Variants in TMTC2 observed in about 807,000 individuals in gnomAD.
TMTC2 encodes protein O-mannosyl-transferase TMTC2.
Under a neutral mutation model 82.4 loss-of-function variants are expected in TMTC2, and 43 were observed. The ratio of observed to expected loss-of-function variants is 0.52; its 90% CI spans 0.41 to 0.67. TMTC2 has a LOEUF of 0.67. Ranked by LOEUF, TMTC2 falls within the 30% of genes least tolerant of loss-of-function variation. TMTC2 has a pLI of 0.00. For synonymous variants in TMTC2, 408 were observed against 381.9 expected (o/e 1.07, Z -0.80); for missense variants, 919 against 1,012.4 (o/e 0.91, Z 1.25).
At chr12:83,075,948 G>GA (rs1326116588) in intron 11 of TMTC2, among the ~76,000 whole-genome samples, 3 of 152,132 alleles carry the variant, frequency 2.0e-5, no homozygotes, top group African/African-American at 4.8e-5. Flanking sequence ...TGACAAATCA[G>GA]AAAAAAATGT....
At chr12:82,933,259 T>C (rs934449474) in intron 4 of TMTC2, among the ~76,000 whole-genome samples, 1 of 152,140 alleles carries the variant, frequency 6.6e-6, no homozygotes, top group Non-Finnish European at 1.5e-5. Flanking sequence ...TTAAAATAGG[T>C]AAATTTTTCA....
At chr12:82,891,457 C>T (rs947197906) in intron 2 of TMTC2, among the ~76,000 whole-genome samples, 6 of 152,028 alleles carry the variant, frequency 3.9e-5, no homozygotes, top group South Asian at 2.1e-4. Context: ...TACAGGCATG[C>T]GCCACCACGC....
intron 1 of TMTC2, among the ~76,000 whole-genome samples, chr12:82,736,514 A>G (rs187909775): frequency 2.0e-5 from 3 of 152,146 alleles, no homozygotes; most frequent in Non-Finnish European, 4.4e-5. Context: ...GCATTCTATT[A>G]TGCATGCTTT....
intron 7 of TMTC2, among the ~76,000 whole-genome samples, chr12:82,971,098 ACT>A (rs1028434581): frequency 6.6e-6 from 1 of 152,116 alleles, no homozygotes; most frequent in Non-Finnish European, 1.5e-5. Context: ...AAGATGGAAG[ACT>A]CATATCTTAA....
chr12:83,045,706 T>TACACACACACACACACACACACAC (rs1565867299), intron 9 of TMTC2, among the ~76,000 whole-genome samples: 3 of 46,750 alleles, frequency 6.4e-5, no homozygotes, highest in South Asian at 8.3e-4. Context: ...AAAGGGCTCC[T>TACACACACACACACACACACACAC]TCACACACAC....
At chr12:82,773,769 C>G (rs10082947) in intron 1 of TMTC2, among the ~76,000 whole-genome samples, 2,842 of 152,158 alleles carry the variant, frequency 0.019, 72 homozygotes, top group African/African-American at 0.064. Context: ...ACTGATACTT[C>G]TTTAGCCAGG....
At chr12:83,049,832 T>C (rs781184824) in intron 9 of TMTC2, among the ~76,000 whole-genome samples, 34 of 152,192 alleles carry the variant, frequency 2.2e-4, no homozygotes, top group Non-Finnish European at 4.6e-4. Context: ...CTGTTATTTT[T>C]TGACTTTTTA....
At chr12:82,916,743 T>TG (rs1263818512) in intron 3 of TMTC2, among the ~76,000 whole-genome samples, 4 of 15,040 alleles carry the variant, frequency 2.7e-4, no homozygotes, top group Non-Finnish European at 2.9e-4. Context: ...ATTGAAGTAC[T>TG]AAATTTTATG....
intron 10 of TMTC2, among the ~76,000 whole-genome samples, chr12:83,060,749 C>A (rs1281483034): frequency 2.0e-5 from 3 of 151,598 alleles, no homozygotes; most frequent in Non-Finnish European, 4.4e-5. Context: ...ACGATATGAT[C>A]AAAAAATATA....
intron 8 of TMTC2, among the ~76,000 whole-genome samples, chr12:83,023,724 C>G (rs2137409662): frequency 6.6e-6 from 1 of 152,344 alleles, no homozygotes; most frequent in Non-Finnish European, 1.5e-5. Flanking sequence ...GTCTCTTCGC[C>G]TATTCTGGAT....
chr12:82,687,549 C>A lies in TMTC2; in HGVS notation c.-38C>A. The A allele has an allele frequency of 6.4e-7, 1 of 1,574,600 alleles. No homozygotes were observed. Among genetic ancestry groups the A allele is most frequent in the African/African-American group, 1.3e-5 (1 of 74,784 alleles). ...TGTTTTTTGTTGCCGCTGCTGCCCT[C>A]GCGCTGGGAGCCGAGCCGGAGGGAA... On this transcript the variant is annotated 5_prime_UTR_variant, in exon 1 of 12. Transcript: ENST00000321196.
chr12:83,092,294 C>T (rs868026404), intron 11 of TMTC2, among the ~76,000 whole-genome samples: 15 of 152,140 alleles, frequency 9.9e-5, no homozygotes, highest in African/African-American at 3.6e-4. Flanking sequence ...AGATCTCCTC[C>T]TACCATGTTG....
Position 83,037,165 on chromosome 12 carries a change from A to C in TMTC2, c.2152+6286A>C, listed in dbSNP as rs757742453. On this transcript the variant is annotated intron_variant, in intron 9 of 11. Coordinates refer to ENST00000321196, the MANE Select transcript of TMTC2 (RefSeq NM_152588.3). ...AGATAGTTCATATATTATTTGTTTCACTTTTAAAAGTAGGCTCTGGAGGAC... is the reference window on the plus strand; with the variant it reads ...AGATAGTTCATATATTATTTGTTTCCCTTTTAAAAGTAGGCTCTGGAGGAC... 5.2e-4 allele frequency among the ~76,000 whole-genome samples: 79 copies of C among 152,308 alleles called. 1 individual carries two copies. The highest frequency in any genetic ancestry group is 5.9e-4 in the Non-Finnish European group (40 of 68,034).
intron 8 of TMTC2, among the ~76,000 whole-genome samples, chr12:83,013,543 T>G (rs2137390746): frequency 6.6e-6 from 1 of 152,344 alleles, no homozygotes; most frequent in Middle Eastern, 3.4e-3. Flanking sequence ...GGACTTTATT[T>G]TTCCCTCCAT....
intron 11 of TMTC2, among the ~76,000 whole-genome samples, chr12:83,095,206 C>T (rs1883980655): frequency 6.7e-6 from 1 of 149,568 alleles, no homozygotes; most frequent in South Asian, 2.1e-4. Flanking sequence ...AGAGAAAAGC[C>T]AAAATTTCAT....
At chr12:82,871,681 CTGTGTG>C (rs10662218) in intron 2 of TMTC2, among the ~76,000 whole-genome samples, 102 of 142,198 alleles carry the variant, frequency 7.2e-4, no homozygotes, top group African/African-American at 2.4e-3. Context: ...CTCTGCTCAT[CTGTGTG>C]TGTGTGTGTG....
intron 1 of TMTC2, among the ~76,000 whole-genome samples, chr12:82,733,344 G>A (rs965456816): frequency 2.0e-5 from 3 of 152,192 alleles, no homozygotes; most frequent in Non-Finnish European, 4.4e-5. Flanking sequence ...ACCAGGTATT[G>A]TGATAAATGT....
In TMTC2 at chr12:82,744,756, A is replaced by T. The variant is rs534034562; in HGVS notation, c.83+57087A>T. Among the ~76,000 whole-genome samples, 5 of 152,280 alleles carry T rather than the reference A, an allele frequency of 3.3e-5. No individual in the cohort carries two copies. The East Asian group carries it at 5.8e-4, about 18-fold the overall frequency. On this transcript the variant is annotated intron_variant, in intron 1 of 11. Coordinates refer to ENST00000321196, the MANE Select transcript of TMTC2 (RefSeq NM_152588.3). Reference sequence around the variant, plus strand: ...TGTCACGTGTTGACCCCTCTCTAAAAGTTGCCTCTGGCAGGGGCTAGCAGA... The same window carrying T: ...TGTCACGTGTTGACCCCTCTCTAAATGTTGCCTCTGGCAGGGGCTAGCAGA...
chr12:83,023,860 A>G (rs1438197352), intron 8 of TMTC2, among the ~76,000 whole-genome samples: 1 of 152,236 alleles, frequency 6.6e-6, no homozygotes, highest in Non-Finnish European at 1.5e-5. Context: ...CCTCTGCTTT[A>G]GGATGTTTAG....
Sources: allele counts gnomAD v4.1 joint callset (sites outside exome capture counted in the v4.1 genomes callset), GRCh38; gene constraint gnomAD v4.1.1; transcripts MANE v1.5; gene names NCBI Gene and HGNC (gene_info 2026-07-23, HGNC 2026-07-21).